KATNIP: variants seen among roughly 807,000 people sequenced by gnomAD.
KATNIP encodes the protein katanin-interacting protein.
In KATNIP, 126 loss-of-function variants were observed where a neutral mutation model predicts 174.0. The ratio of observed to expected loss-of-function variants is 0.72; its 90% CI spans 0.63 to 0.84. KATNIP has a LOEUF of 0.84. Among genes scored for constraint, KATNIP ranks in the 40% least tolerant of loss-of-function variants. The pLI is 0.00. For synonymous variants in KATNIP, 810 were observed against 835.7 expected, an observed-to-expected ratio of 0.97 and a Z score of 0.53; for missense variants, 1,958 against 2,109.7, an observed-to-expected ratio of 0.93 and a Z score of 1.41.
At chr16:27,636,108 C>T (rs1173531898) in intron 5 of KATNIP, among the ~76,000 whole-genome samples, 4 of 152,216 alleles carry the variant, frequency 2.6e-5, no homozygotes, top group Admixed American at 6.5e-5. Flanking sequence ...GAGCCATGAC[C>T]GCACCACTGC....
intron 2 of KATNIP, among the ~76,000 whole-genome samples, chr16:27,577,633 A>C (rs1465358196): frequency 6.6e-6 from 1 of 152,230 alleles, no homozygotes; most frequent in Non-Finnish European, 1.5e-5. Context: ...CGGAGGTTGC[A>C]GTGAGCCGAG....
Position 27,708,815 on chromosome 16 carries a change from C to A in KATNIP, c.1500C>A (p.Phe500Leu), listed in dbSNP as rs151072917. 3.1e-6 allele frequency: 5 copies of A among 1,613,998 alleles called. No homozygotes were observed. The highest frequency in any genetic ancestry group is 1.3e-5 in the African/African-American group (1 of 74,998). Reference protein sequence around the residue: ...SWWVGLTEVEFFDLNDTKLYV... With the variant: ...SWWVGLTEVELFDLNDTKLYV... ...GGGTGGGTCTCACAGAAGTCGAGTT[C>A]TTTGACTTGAATGACACAAAGCTTT... Residue 500 changes from phenylalanine (F) to leucine (L), a missense_variant, in exon 13 of 28, where the codon TTC becomes TTA. By Grantham distance (22) the Phe-to-Leu change is conservative. Around this residue, in one of 3 missense-constraint regions of KATNIP, gnomAD observed 1,557 missense variants for 1,617.8 expected, o/e 0.96. Transcript: ENST00000261588.
intron 16 of KATNIP, among the ~76,000 whole-genome samples, chr16:27,750,799 G>A (rs931658431): frequency 7.1e-6 from 1 of 141,026 alleles, no homozygotes; most frequent in Non-Finnish European, 1.5e-5. Flanking sequence ...GCATGGTTTC[G>A]GCTCACTGCA....
intron 2 of KATNIP, among the ~76,000 whole-genome samples, chr16:27,580,713 T>C (rs2090667297): frequency 6.6e-6 from 1 of 151,884 alleles, no homozygotes; most frequent in African/African-American, 2.4e-5. Context: ...TTTTTTTTTT[T>C]TTTTCATTTA....
chr16:27,590,769 G>A (rs552702691), intron 2 of KATNIP, among the ~76,000 whole-genome samples: 61 of 152,272 alleles, frequency 4.0e-4, no homozygotes, highest in Non-Finnish European at 7.6e-4. Context: ...GGAGCAGCCC[G>A]GGCCCACCTT....
At position 27,751,695 on chromosome 16, in the gene KATNIP, T is replaced by C. The variant is rs1166347742; in HGVS notation, c.3347-24T>C. 14 of 1,610,366 alleles carry C rather than the reference T, an allele frequency of 8.7e-6. No individual in the cohort carries two copies. In the East Asian group the frequency reaches 3.1e-4, roughly 36 times the overall value. ...CTGGGATGTGAAGTGAGTTGACCTT[T>C]CTGTCATCTTGATAACCCATTAGCC... On this transcript the variant is annotated intron_variant, in intron 16 of 27. Coordinates refer to ENST00000261588, the MANE Select transcript of KATNIP (RefSeq NM_015202.5).
At chr16:27,713,850 A>ATG in intron 13 of KATNIP, among the ~76,000 whole-genome samples, 1 of 74,454 alleles carries the variant, frequency 1.3e-5, no homozygotes, top group Non-Finnish European at 2.6e-5. Flanking sequence ...ATATATATAT[A>ATG]TATATATCTA....
Position 27,773,262 on chromosome 16 carries a change from A to G in KATNIP, c.4309+53A>G, listed in dbSNP as rs974103400. 13 of 1,284,006 alleles carry G rather than the reference A, an allele frequency of 1.0e-5. No homozygotes were observed. The African/African-American group carries it at 1.6e-4, about 16-fold the overall frequency. 79.5% of individuals were successfully genotyped at this position (1,284,006 alleles called of 1,614,324 possible). The stretch of plus-strand genomic sequence containing the variant: ...CCACCCAGACTGAAGGGAGCATGGG[A>G]GGGTCGGGAACGGGGCAGAAGCCTT... On this transcript the variant is annotated intron_variant, in intron 23 of 27. Coordinates refer to ENST00000261588, the MANE Select transcript of KATNIP (RefSeq NM_015202.5).
rs1305399832 is a variant in KATNIP, at chr16:27,761,563, A to G, written c.3782A>G (p.Tyr1261Cys). 6.2e-7 allele frequency: 1 copy of G among 1,613,994 alleles called. No individual in the cohort carries two copies. ...SPRDLNELPE[Y>C]SDDSRALDKL... is the part of the protein sequence containing the mutation. ...AGAGACTTAAATGAGCTCCCCGAGT[A>G]CTCTGACGACTCCCGGGCCCTGGAC... Residue 1261 changes from tyrosine to cysteine, a missense_variant, in exon 19 of 28, where the codon TAC becomes TGC. By Grantham distance (194) the Tyr-to-Cys change is radical. This residue lies in a region of KATNIP where 18 missense variants were observed against 35.8 expected (regional missense o/e 0.50). Coordinates refer to ENST00000261588, the MANE Select transcript of KATNIP (RefSeq NM_015202.5).
intron 2 of KATNIP, among the ~76,000 whole-genome samples, chr16:27,608,493 C>T (rs182932861): frequency 6.7e-4 from 97 of 145,370 alleles, no homozygotes; most frequent in African/African-American, 2.3e-3. Flanking sequence ...TTCTCCCTTA[C>T]GTCTACAGTG....
chr16:27,600,061 C>T (rs1400382047), intron 2 of KATNIP, among the ~76,000 whole-genome samples: 1 of 152,198 alleles, frequency 6.6e-6, no homozygotes, highest in Non-Finnish European at 1.5e-5. Flanking sequence ...CTTCCGAGCA[C>T]TGACGTCATA....
Position 27,777,869 on chromosome 16 carries a change from T to C in KATNIP, c.4713-12T>C. 1 of 1,613,800 alleles carries C rather than the reference T, an allele frequency of 6.2e-7. No homozygotes were observed. The highest frequency in any genetic ancestry group is 8.5e-7 in the Non-Finnish European group (1 of 1,179,662). Reference sequence around the variant, plus strand: ...AGCCTGATCGAATCTTGTGTTTCCTTCCTACCCTCAGTAATCAGGCCGAGG... The same window carrying C: ...AGCCTGATCGAATCTTGTGTTTCCTCCCTACCCTCAGTAATCAGGCCGAGG... On this transcript the variant is annotated splice_polypyrimidine_tract_variant and intron_variant, in intron 26 of 27. Transcript: ENST00000261588. The surrounding 1 kb of genome is among the most constrained non-coding windows in gnomAD (Gnocchi z 4.4).
At position 27,645,788 on chromosome 16, in the gene KATNIP, T is replaced by C. The variant is rs373466939; in HGVS notation, c.409-2816T>C. ...TAAAGGGCAGAAGTCCTGTCTGCACTGAGTCTCTCCTGATTACCAGGAAAA... is the reference window on the plus strand; with the variant it reads ...TAAAGGGCAGAAGTCCTGTCTGCACCGAGTCTCTCCTGATTACCAGGAAAA... On this transcript the variant is annotated intron_variant, in intron 5 of 27. Transcript: ENST00000261588. 2.0e-5 allele frequency among the ~76,000 whole-genome samples: 3 copies of C among 152,324 alleles called. No homozygotes were observed. In the South Asian group the frequency reaches 6.2e-4, roughly 32 times the overall value.
intron 9 of KATNIP, 92 bp from the exon 10 acceptor site, chr16:27,699,442 C>A: frequency 6.4e-7 from 1 of 1,559,624 alleles, no homozygotes; most frequent in South Asian, 1.2e-5. Context: ...TTGAGAAGGT[C>A]CCTGCCCTTT....
chr16:27,575,367 A>G (rs1037073745), intron 2 of KATNIP, among the ~76,000 whole-genome samples: 3 of 152,114 alleles, frequency 2.0e-5, no homozygotes, highest in African/African-American at 7.2e-5. Flanking sequence ...GCCATAGGTT[A>G]CTCCAGGGCC....
chr16:27,757,882 A>G (rs1250445462), intron 18 of KATNIP, among the ~76,000 whole-genome samples: 3 of 152,188 alleles, frequency 2.0e-5, no homozygotes, highest in African/African-American at 7.2e-5. Flanking sequence ...GGGATATATG[A>G]CTTGCTAATT....
chr16:27,765,755 C>T (rs1021041273), intron 19 of KATNIP, among the ~76,000 whole-genome samples: 4 of 152,196 alleles, frequency 2.6e-5, no homozygotes, highest in African/African-American at 9.7e-5. Context: ...TGGTCCTTGT[C>T]CTCATTTCTC....
intron 2 of KATNIP, among the ~76,000 whole-genome samples, chr16:27,613,809 C>T (rs1439445004): frequency 5.9e-5 from 9 of 152,196 alleles, no homozygotes; most frequent in Non-Finnish European, 1.3e-4. Context: ...AGGCCTCCTG[C>T]GCTTTTCTTG....
rs535676553 is a variant in KATNIP, at chr16:27,777,531, A to G, written c.4552-79A>G. 1.4e-5 allele frequency: 19 copies of G among 1,381,138 alleles called. No individual in the cohort carries two copies. The African/African-American group carries it at 2.6e-4, about 19-fold the overall frequency. 85.6% of individuals were successfully genotyped at this position (1,381,138 alleles called of 1,614,324 possible). ...CTTCCCGAGGAGAAAGCCTTGGCTC[A>G]GAGCAGTAACGCGTTCTGCCCAAGG... On this transcript the variant is annotated intron_variant, in intron 25 of 27. Coordinates refer to ENST00000261588, the MANE Select transcript of KATNIP (RefSeq NM_015202.5). The surrounding 1 kb of genome is among the most constrained non-coding windows in gnomAD (Gnocchi z 4.4).
Sources: allele counts gnomAD v4.1 joint callset (sites outside exome capture counted in the v4.1 genomes callset), GRCh38; gene constraint gnomAD v4.1.1; regional missense constraint gnomAD v4.1.1; non-coding constraint Gnocchi (gnomAD v3.1); transcripts MANE v1.5; gene names NCBI Gene and HGNC (gene_info 2026-07-23, HGNC 2026-07-21).